ARHGAP44: variants seen among roughly 807,000 people sequenced by gnomAD.
The protein encoded by ARHGAP44 is Rho GTPase activating protein 44, also known as rho GTPase-activating protein 44.
A neutral mutation model predicts 106.8 loss-of-function variants in ARHGAP44; 43 were observed. The observed-to-expected ratio is 0.40, with a 90% confidence interval of 0.32 to 0.52. ARHGAP44 has a LOEUF of 0.52. Among genes scored for constraint, ARHGAP44 ranks in the 20% least tolerant of loss-of-function variants. The probability of loss-of-function intolerance (pLI) is 0.48; values close to 1 mark genes in which losing one functional copy is unlikely to be tolerated. For missense variants in ARHGAP44, 866 were observed against 1,050.5 expected (o/e 0.82, Z 2.43); for synonymous variants, 439 against 410.3 (o/e 1.07, Z -0.85).
chr17:12,990,331 C>G lies in ARHGAP44; in HGVS notation c.*160C>G, dbSNP rs148498085. The G allele has an allele frequency of 1.1e-6, 1 of 924,924 alleles. No homozygotes were observed. Among genetic ancestry groups the G allele is most frequent in the Non-Finnish European group, 1.6e-6 (1 of 634,020 alleles). 57.3% of individuals were successfully genotyped at this position (924,924 alleles called of 1,614,324 possible). On this transcript the variant is annotated 3_prime_UTR_variant, in exon 21 of 21. Transcript: ENST00000379672. ...TGGCAGAAAATTGTGATCTCCAGTC[C>G]GTGTGGTGATGCTGGTGGTGCAGGT...
At chr17:12,880,862 A>G (rs1226844150) in intron 1 of ARHGAP44, among the ~76,000 whole-genome samples, 1 of 152,190 alleles carries the variant, frequency 6.6e-6, no homozygotes, top group Admixed American at 6.5e-5. Flanking sequence ...TTATCCTTAT[A>G]GTAGTGGGTT....
intron 1 of ARHGAP44, among the ~76,000 whole-genome samples, chr17:12,866,380 G>A (rs550153662): frequency 5.3e-5 from 8 of 152,072 alleles, no homozygotes; most frequent in East Asian, 1.9e-4. Context: ...AGTTTTACCC[G>A]TAAGTTCTAA....
intron 1 of ARHGAP44, among the ~76,000 whole-genome samples, chr17:12,845,323 C>T (rs970752907): frequency 7.2e-5 from 11 of 151,992 alleles, no homozygotes; most frequent in Non-Finnish European, 7.4e-5. Flanking sequence ...GCCTGGCCAA[C>T]ATGGTGAAAC....
chr17:12,925,380 G>A (rs1407598310), intron 6 of ARHGAP44, among the ~76,000 whole-genome samples: 1 of 152,150 alleles, frequency 6.6e-6, no homozygotes, highest in Non-Finnish European at 1.5e-5. Context: ...CATTACTGCA[G>A]AGTGGAAGCA....
intron 16 of ARHGAP44, among the ~76,000 whole-genome samples, chr17:12,967,510 C>T (rs1010870728): frequency 7.9e-5 from 12 of 151,996 alleles, no homozygotes; most frequent in African/African-American, 2.4e-4. Context: ...ATGGAGTGCC[C>T]GGGAAGGCAT....
rs570110888 is a variant in ARHGAP44, at chr17:12,990,885, G to A, written c.*714G>A. 6.6e-6 allele frequency: 1 copy of A among 152,572 alleles called. No individual in the cohort carries two copies. Among genetic ancestry groups the A allele is most frequent in the South Asian group, 2.1e-4 (1 of 4,820 alleles). 9.5% of individuals were successfully genotyped at this position (152,572 alleles called of 1,614,324 possible). A position where few individuals can be genotyped will look rare whatever the true frequency, so the allele number is the denominator to read the frequency against. On this transcript the variant is annotated 3_prime_UTR_variant, in exon 21 of 21. Transcript: ENST00000379672. The stretch of plus-strand genomic sequence containing the variant: ...TAAAACAAAACAAACAAGCCTGACA[G>A]TGTCTGGAGGAGCCAAAGGTGGCCT...
chr17:12,854,215 C>G (rs1311224066), intron 1 of ARHGAP44, among the ~76,000 whole-genome samples: 1 of 152,180 alleles, frequency 6.6e-6, no homozygotes, highest in East Asian at 1.9e-4. Context: ...CAAACAGCTT[C>G]TGTAGGCACA....
chr17:12,981,862 T>G (rs1026257103), intron 19 of ARHGAP44, among the ~76,000 whole-genome samples: 12 of 151,920 alleles, frequency 7.9e-5, no homozygotes, highest in Non-Finnish European at 1.3e-4. Context: ...TATAAAAAAA[T>G]CAGCTGGGCG....
At chr17:12,841,392 A>G (rs1474645241) in intron 1 of ARHGAP44, among the ~76,000 whole-genome samples, 1 of 151,986 alleles carries the variant, frequency 6.6e-6, no homozygotes, top group Non-Finnish European at 1.5e-5. Flanking sequence ...TGAGCTCAGG[A>G]GTCCGAGACC....
chr17:12,976,759 CGGTCCTGGCTG>C (rs1270636553), intron 18 of ARHGAP44, among the ~76,000 whole-genome samples: 1 of 152,098 alleles, frequency 6.6e-6, no homozygotes, highest in African/African-American at 2.4e-5. Flanking sequence ...AGAGGATGCT[CGGTCCTGGCTG>C]TGTAATTGCT....
rs932797263 is a variant in ARHGAP44, at chr17:12,894,332, A to G, written c.54-608A>G. ...GGGAGAGAGAGAGAGAGAGAGCGTTAAATCAGAATGCTTTGTTCCTGAGAG... is the reference window on the plus strand; with the variant it reads ...GGGAGAGAGAGAGAGAGAGAGCGTTGAATCAGAATGCTTTGTTCCTGAGAG... On this transcript the variant is annotated intron_variant, in intron 1 of 20. Coordinates refer to ENST00000379672, the MANE Select transcript of ARHGAP44 (RefSeq NM_014859.6). 2.0e-5 allele frequency among the ~76,000 whole-genome samples: 3 copies of G among 149,202 alleles called. No homozygotes were observed. In the South Asian group the frequency reaches 6.5e-4, roughly 32 times the overall value.
intron 16 of ARHGAP44, among the ~76,000 whole-genome samples, chr17:12,962,075 A>T (rs1247987180): frequency 6.7e-6 from 1 of 149,624 alleles, no homozygotes; most frequent in Non-Finnish European, 1.5e-5. Context: ...GCCAAGTTAA[A>T]AAAAAATATA....
At chr17:12,814,235 GTTT>G (rs773171329) in intron 1 of ARHGAP44, among the ~76,000 whole-genome samples, 1 of 87,270 alleles carries the variant, frequency 1.1e-5, no homozygotes. Context: ...CCAAACTGGT[GTTT>G]TTTTTTTTTT....
chr17:12,983,556 G>A (rs1216442533), intron 19 of ARHGAP44, among the ~76,000 whole-genome samples: 1 of 152,220 alleles, frequency 6.6e-6, no homozygotes, highest in East Asian at 1.9e-4. Context: ...TGTAATCCCA[G>A]CACTTTGGGA....
At chr17:12,854,075 G>T (rs2035836485) in intron 1 of ARHGAP44, among the ~76,000 whole-genome samples, 1 of 152,208 alleles carries the variant, frequency 6.6e-6, no homozygotes, top group Admixed American at 6.5e-5. Flanking sequence ...GGCAGGTGGG[G>T]AGGAGGCTGG....
At position 12,984,399 on chromosome 17, in the gene ARHGAP44, G is replaced by C. The variant is rs974666102; in HGVS notation, c.1940-132G>C. ...GCAAGAGGCCGGGGGGCAGGGCAGG[G>C]AGGTGTGGGTGGGTGGCGAGGGGCA... is the stretch of plus-strand genomic sequence containing the variant. On this transcript the variant is annotated intron_variant, in intron 19 of 20. Coordinates refer to ENST00000379672, the MANE Select transcript of ARHGAP44 (RefSeq NM_014859.6). 36 of 933,488 alleles carry C rather than the reference G, an allele frequency of 3.9e-5. No homozygotes were observed. In the African/African-American group the frequency reaches 5.4e-4, roughly 14 times the overall value. The allele number at this position is 933,488 out of a possible 1,614,324, so 57.8% of individuals were successfully genotyped here.
At chr17:12,805,098 G>A (rs2034232765) in intron 1 of ARHGAP44, among the ~76,000 whole-genome samples, 1 of 152,178 alleles carries the variant, frequency 6.6e-6, no homozygotes, top group East Asian at 1.9e-4. Context: ...GAATATAATT[G>A]AGTTTGGCTG....
chr17:12,817,069 G>A (rs1211359449), intron 1 of ARHGAP44, among the ~76,000 whole-genome samples: 1 of 152,138 alleles, frequency 6.6e-6, no homozygotes, highest in Non-Finnish European at 1.5e-5. Context: ...TACAGAGTAT[G>A]TTCTCTGACC....
At chr17:12,815,021 C>A (rs985092015) in intron 1 of ARHGAP44, among the ~76,000 whole-genome samples, 1 of 152,046 alleles carries the variant, frequency 6.6e-6, no homozygotes, top group African/African-American at 2.4e-5. Flanking sequence ...CATTAGAAAC[C>A]CTGGTTTGAT....
Sources: allele counts gnomAD v4.1 joint callset (sites outside exome capture counted in the v4.1 genomes callset), GRCh38; gene constraint gnomAD v4.1.1; transcripts MANE v1.5; gene names NCBI Gene and HGNC (gene_info 2026-07-23, HGNC 2026-07-21).